Variants in LOC128125817 observed in about 807,000 individuals in gnomAD.
At chr1:41,621,223 AC>A in the LOC128125817 span, among the ~76,000 whole-genome samples, 1 of 152,094 alleles carries the variant, frequency 6.6e-6, no homozygotes, top group Admixed American at 6.5e-5. Flanking sequence ...CACGGCCTTG[AC>A]CCCCTTCAGC....
the LOC128125817 span, among the ~76,000 whole-genome samples, chr1:41,620,757 T>A: frequency 2.6e-5 from 4 of 152,134 alleles, no homozygotes. Flanking sequence ...TCCACTCTCC[T>A]TTGTCCTCAT....
At chr1:41,615,451 G>C in the LOC128125817 span, among the ~76,000 whole-genome samples, 1 of 152,220 alleles carries the variant, frequency 6.6e-6, no homozygotes, top group East Asian at 1.9e-4. Flanking sequence ...CTTAAGTGGG[G>C]TCTAAAGTCC....
chr1:41,608,756 C>G, the LOC128125817 span, among the ~76,000 whole-genome samples: 1 of 152,104 alleles, frequency 6.6e-6, no homozygotes, highest in Non-Finnish European at 1.5e-5. Context: ...TTTTCTAATG[C>G]TGTTATGATG....
chr1:41,603,132 T>A, the LOC128125817 span, among the ~76,000 whole-genome samples: 1 of 152,278 alleles, frequency 6.6e-6, no homozygotes, highest in Non-Finnish European at 1.5e-5. Context: ...AGCGGCGCGA[T>A]CTCTGCTCAC....
At chr1:41,601,222 T>C in the LOC128125817 span, among the ~76,000 whole-genome samples, 2 of 152,192 alleles carry the variant, frequency 1.3e-5, no homozygotes, top group Non-Finnish European at 2.9e-5. Context: ...GAGGATTGAT[T>C]TGGCTATTTG....
chr1:41,619,613 T>A, the LOC128125817 span, among the ~76,000 whole-genome samples: 1 of 152,078 alleles, frequency 6.6e-6, no homozygotes, highest in African/African-American at 2.4e-5. Flanking sequence ...TGGATGAGGA[T>A]GGTGATGGTG....
the LOC128125817 span, among the ~76,000 whole-genome samples, chr1:41,621,797 C>A: frequency 1.3e-5 from 2 of 152,206 alleles, no homozygotes; most frequent in Admixed American, 6.5e-5. Context: ...GGATTACAGG[C>A]CTAAGCCCCC....
chr1:41,602,745 T>C, the LOC128125817 span, among the ~76,000 whole-genome samples: 1 of 152,092 alleles, frequency 6.6e-6, no homozygotes, highest in African/African-American at 2.4e-5. Flanking sequence ...GTAATCCTTA[T>C]ATCTTTCCTT....
chr1:41,595,074 G>A, the LOC128125817 span, among the ~76,000 whole-genome samples: 1 of 152,174 alleles, frequency 6.6e-6, no homozygotes, highest in Admixed American at 6.5e-5. Context: ...TAGAATTTGT[G>A]GGAAAGGGAC....
At chr1:41,593,153 A>T in the LOC128125817 span, among the ~76,000 whole-genome samples, 4 of 152,228 alleles carry the variant, frequency 2.6e-5, no homozygotes, top group Non-Finnish European at 5.9e-5. Context: ...TTCTTAAATG[A>T]AAAATTACTT....
the LOC128125817 span, among the ~76,000 whole-genome samples, chr1:41,595,881 G>A: frequency 6.6e-6 from 1 of 152,170 alleles, no homozygotes; most frequent in African/African-American, 2.4e-5. Context: ...TGGCTTCCTT[G>A]CTTGCAGACG....
the LOC128125817 span, among the ~76,000 whole-genome samples, chr1:41,619,583 AT>A: frequency 6.6e-6 from 1 of 152,144 alleles, no homozygotes; most frequent in South Asian, 2.1e-4. Flanking sequence ...GAAGGTAAGG[AT>A]GACCTACCTC....
chr1:41,616,690 T>C, the LOC128125817 span, among the ~76,000 whole-genome samples: 1 of 137,594 alleles, frequency 7.3e-6, no homozygotes, highest in African/African-American at 2.7e-5. Context: ...TGGCCTCAAA[T>C]GATCCTCCCG....
the LOC128125817 span, among the ~76,000 whole-genome samples, chr1:41,614,833 C>T: frequency 1.3e-5 from 2 of 152,192 alleles, no homozygotes; most frequent in African/African-American, 2.4e-5. Context: ...TCTGATGATA[C>T]GCTGGCCAGT....
the LOC128125817 span, among the ~76,000 whole-genome samples, chr1:41,612,094 C>T: frequency 1.3e-5 from 2 of 152,172 alleles, no homozygotes; most frequent in Admixed American, 1.3e-4. Flanking sequence ...CTCCCACTCC[C>T]ACCCACCTGT....
chr1:41,621,897 C>G, the LOC128125817 span, among the ~76,000 whole-genome samples: 1 of 152,234 alleles, frequency 6.6e-6, no homozygotes, highest in East Asian at 1.9e-4. Flanking sequence ...CTTTCCCACC[C>G]TGCAACATCC....
the LOC128125817 span, among the ~76,000 whole-genome samples, chr1:41,626,405 A>C: frequency 6.6e-6 from 1 of 152,208 alleles, no homozygotes; most frequent in Non-Finnish European, 1.5e-5. Context: ...TGGAACTGAC[A>C]GCTCATTTCC....
chr1:41,603,410 AG>A, the LOC128125817 span, among the ~76,000 whole-genome samples: 1 of 149,884 alleles, frequency 6.7e-6, no homozygotes, highest in Non-Finnish European at 1.5e-5. Flanking sequence ...CCCAGGCTGG[AG>A]AGCAGTGGTG....
chr1:41,617,930 G>A, the LOC128125817 span, among the ~76,000 whole-genome samples: 3 of 152,202 alleles, frequency 2.0e-5, no homozygotes, highest in African/African-American at 7.2e-5. Context: ...GGCAATGACC[G>A]CACCAGGCTC....
Sources: gnomAD v4.1 joint callset for allele counts (sites outside exome capture counted in the v4.1 genomes callset) on GRCh38, gnomAD v4.1.1 for gene constraint, MANE v1.5 for transcripts.